SNTG1: variants seen among roughly 807,000 people sequenced by gnomAD.
SNTG1 encodes syntrophin gamma 1.
Under a neutral mutation model 74.7 loss-of-function variants are expected in SNTG1, and 39 were observed. The ratio of observed to expected loss-of-function variants is 0.52; its 90% CI spans 0.40 to 0.68. The LOEUF (loss-of-function observed/expected upper bound fraction) is 0.68, where lower values mean the gene tolerates loss of function less well. SNTG1 is among the 30% of genes least tolerant of loss of function. SNTG1 has a pLI of 0.00. For missense variants in SNTG1, 685 were observed against 609.5 expected (o/e 1.12, Z -1.30); for synonymous variants, 254 against 217.1 (o/e 1.17, Z -1.49).
In SNTG1 at chr8:49,917,636, C is replaced by A. The variant is rs77261238; in HGVS notation, c.-103+5405C>A. 4.1e-3 allele frequency among the ~76,000 whole-genome samples: 621 copies of A among 152,326 alleles called. 7 individuals are homozygous for A. The highest frequency in any genetic ancestry group is 0.014 in the African/African-American group (590 of 41,570). ...CTGATCAACTACCGCTCTCTCATTT[C>A]TCCAGATAAATCCCCCATGCTTTAT... On this transcript the variant is annotated intron_variant, in intron 1 of 18. Transcript: ENST00000642720.
At chr8:50,448,950 C>T (rs1346077954) in intron 5 of SNTG1, among the ~76,000 whole-genome samples, 3 of 152,132 alleles carry the variant, frequency 2.0e-5, no homozygotes, top group African/African-American at 7.2e-5. Flanking sequence ...ATGGCGTGAA[C>T]CCGGCAGGTG....
intron 1 of SNTG1, among the ~76,000 whole-genome samples, chr8:50,139,238 T>G (rs1199359564): frequency 1.3e-5 from 2 of 152,236 alleles, no homozygotes; most frequent in Admixed American, 1.3e-4. Flanking sequence ...AAAAAACATT[T>G]TTAATTGCAG....
chr8:50,364,651 G>T (rs1388670494), intron 2 of SNTG1, among the ~76,000 whole-genome samples: 1 of 151,878 alleles, frequency 6.6e-6, no homozygotes, highest in African/African-American at 2.4e-5. Flanking sequence ...TGTAAAAAGG[G>T]TTAATATGAA....
At chr8:50,406,086 T>C (rs1311110216) in intron 4 of SNTG1, among the ~76,000 whole-genome samples, 1 of 152,082 alleles carries the variant, frequency 6.6e-6, no homozygotes, top group Non-Finnish European at 1.5e-5. Flanking sequence ...TGAAAAAATA[T>C]CATTGCAGTT....
intron 1 of SNTG1, among the ~76,000 whole-genome samples, chr8:50,012,227 C>G (rs987785850): frequency 1.3e-5 from 2 of 152,134 alleles, no homozygotes; most frequent in Non-Finnish European, 2.9e-5. Context: ...TTGCCTGCAT[C>G]TTCTTTCCTG....
At chr8:50,060,910 TAGTC>T (rs1432207231) in intron 1 of SNTG1, among the ~76,000 whole-genome samples, 9 of 152,188 alleles carry the variant, frequency 5.9e-5, no homozygotes, top group Non-Finnish European at 5.9e-5. Flanking sequence ...AAATCCCACT[TAGTC>T]AGTGTAAATA....
chr8:50,060,414 C>A (rs566482226), intron 1 of SNTG1, among the ~76,000 whole-genome samples: 2 of 152,118 alleles, frequency 1.3e-5, no homozygotes, highest in East Asian at 3.9e-4. Flanking sequence ...CTTCTTGAGT[C>A]ACATCTAAGC....
intron 18 of SNTG1, among the ~76,000 whole-genome samples, chr8:50,778,307 A>G (rs1387300936): frequency 2.6e-5 from 4 of 152,190 alleles, no homozygotes; most frequent in African/African-American, 9.7e-5. Context: ...GAACTAGTTT[A>G]CAGTCCCACT....
chr8:50,408,050 A>G (rs966558585), intron 4 of SNTG1, among the ~76,000 whole-genome samples: 1 of 152,236 alleles, frequency 6.6e-6, no homozygotes, highest in African/African-American at 2.4e-5. Context: ...TCTTCAGACC[A>G]CTGGCTATGT....
At chr8:50,543,989 G>C (rs1443507558) in intron 11 of SNTG1, among the ~76,000 whole-genome samples, 1 of 151,910 alleles carries the variant, frequency 6.6e-6, no homozygotes, top group African/African-American at 2.4e-5. Flanking sequence ...TGAAGTGTCT[G>C]TTTATGTCTT....
chr8:50,168,033 C>T (rs1280797693), intron 1 of SNTG1, among the ~76,000 whole-genome samples: 3 of 151,782 alleles, frequency 2.0e-5, no homozygotes, highest in Non-Finnish European at 4.4e-5. Flanking sequence ...TGTTATGTGG[C>T]TACTTCTTGT....
intron 1 of SNTG1, among the ~76,000 whole-genome samples, chr8:50,075,220 C>T (rs1821743993): frequency 6.6e-6 from 1 of 152,218 alleles, no homozygotes; most frequent in South Asian, 2.1e-4. Context: ...TGCCCAGTCC[C>T]ATCGACCGCC....
At chr8:50,601,397 G>A (rs1358003970) in intron 13 of SNTG1, among the ~76,000 whole-genome samples, 2 of 152,102 alleles carry the variant, frequency 1.3e-5, no homozygotes, top group African/African-American at 2.4e-5. Flanking sequence ...TCATTCAGGA[G>A]CATGTGCTTA....
rs549377887 is a variant in SNTG1 at position 49,932,496 on chromosome 8, G to A, written c.-103+20265G>A. Among the ~76,000 whole-genome samples, 88 of 150,672 alleles carry A rather than the reference G, an allele frequency of 5.8e-4. 1 individual carries two copies. The highest frequency in any genetic ancestry group is 3.5e-3 in the Middle Eastern group (1 of 288). The stretch of plus-strand genomic sequence containing the variant: ...ACTTTCATTATTAATGTCCAGTGTC[G>A]TATTATTACACATGGTTTCTATCCA... On this transcript the variant is annotated intron_variant, in intron 1 of 18. Coordinates refer to ENST00000642720, the MANE Select transcript of SNTG1 (RefSeq NM_018967.5).
chr8:50,237,515 T>C (rs1275828451), intron 2 of SNTG1, among the ~76,000 whole-genome samples: 2 of 152,182 alleles, frequency 1.3e-5, no homozygotes, highest in Non-Finnish European at 2.9e-5. Context: ...CATCATCTTA[T>C]CAACTATTCA....
chr8:49,918,940 T>C (rs1451436726), intron 1 of SNTG1, among the ~76,000 whole-genome samples: 1 of 152,196 alleles, frequency 6.6e-6, no homozygotes, highest in Non-Finnish European at 1.5e-5. Context: ...TACTGGCTTA[T>C]GCAGTAGCAG....
At chr8:50,578,054 T>A (rs531285167) in intron 12 of SNTG1, among the ~76,000 whole-genome samples, 1 of 152,328 alleles carries the variant, frequency 6.6e-6, no homozygotes, top group South Asian at 2.1e-4. Flanking sequence ...ATAGCTAATT[T>A]TTTCTGATAA....
At chr8:50,044,793 T>A (rs1818940428) in intron 1 of SNTG1, among the ~76,000 whole-genome samples, 1 of 152,182 alleles carries the variant, frequency 6.6e-6, no homozygotes, top group African/African-American at 2.4e-5. Flanking sequence ...AAACTTTTGA[T>A]CTCACAAGGA....
At chr8:50,786,711 A>G (rs924140119) in intron 18 of SNTG1, among the ~76,000 whole-genome samples, 2 of 151,994 alleles carry the variant, frequency 1.3e-5, no homozygotes, top group Non-Finnish European at 2.9e-5. Flanking sequence ...ACTGTCTTTT[A>G]CCGTGCTTTT....
Sources: gnomAD v4.1 joint callset for allele counts (sites outside exome capture counted in the v4.1 genomes callset) on GRCh38, gnomAD v4.1.1 for gene constraint, MANE v1.5 for transcripts, NCBI Gene and HGNC (gene_info 2026-07-23, HGNC 2026-07-21) for gene names.